The following DNAH14 variants were observed in gnomAD, a reference collection of about 807,000 sequenced individuals.
The protein encoded by DNAH14 is dynein axonemal heavy chain 14.
Under a neutral mutation model 520.9 loss-of-function variants are expected in DNAH14, and 478 were observed. That is an observed-to-expected ratio of 0.92 (90% CI 0.85 to 0.99). DNAH14 has a LOEUF of 0.99. DNAH14 is among the 50% of genes least tolerant of loss of function. DNAH14 has a pLI of 0.00. For synonymous variants in DNAH14, 1,581 were observed against 1,757.2 expected (o/e 0.90, Z 2.51); for missense variants, 4,831 against 5,234.5 (o/e 0.92, Z 2.38).
rs1223937867 is a variant in DNAH14, at chr1:225,152,029, T to G, written c.4965T>G (p.Ile1655Met). The part of the protein sequence containing the change: ...SARFVLEGKE[I>M]RINMSCAVFI... Reference sequence around the variant, plus strand: ...GGTTTGTACTGGAAGGAAAAGAAATTCGTATCAATATGTCTTGTGCGGTAT... The same window carrying G: ...GGTTTGTACTGGAAGGAAAAGAAATGCGTATCAATATGTCTTGTGCGGTAT... Residue 1655 changes from isoleucine to methionine, a missense_variant, in exon 32 of 86, where the codon ATT becomes ATG. Coordinates refer to ENST00000682510, the MANE Select transcript of DNAH14 (RefSeq NM_001367479.1). 25 of 1,551,532 alleles carry G rather than the reference T, an allele frequency of 1.6e-5. No homozygotes were observed. Among genetic ancestry groups the G allele is most frequent in the Non-Finnish European group, 1.8e-5 (21 of 1,146,942 alleles).
chr1:225,107,604 G>A (rs776279497), intron 23 of DNAH14, among the ~76,000 whole-genome samples: 8 of 152,164 alleles, frequency 5.3e-5, no homozygotes, highest in African/African-American at 1.7e-4. Flanking sequence ...TCCCCTGTAC[G>A]GAGACAGAGG....
chr1:225,338,007 C>A, intron 67 of DNAH14, 54 bp from the exon 68 acceptor site: 1 of 1,413,788 alleles, frequency 7.1e-7, no homozygotes, highest in Non-Finnish European at 9.3e-7. Context: ...TTTTTTTTTT[C>A]AACCAATTTG....
chr1:225,039,769 T>C (rs944973219), intron 12 of DNAH14, among the ~76,000 whole-genome samples: 2 of 144,972 alleles, frequency 1.4e-5, no homozygotes, highest in Non-Finnish European at 3.0e-5. Context: ...TCCCAGCTAC[T>C]TGGGAGGCTG....
intron 77 of DNAH14, among the ~76,000 whole-genome samples, chr1:225,370,561 A>G (rs773873821): frequency 2.6e-5 from 4 of 151,992 alleles, no homozygotes; most frequent in Non-Finnish European, 4.4e-5. Flanking sequence ...CTCAAAAACA[A>G]TGGAAATGAG....
chr1:225,255,930 A>G (rs1478779325), intron 44 of DNAH14, among the ~76,000 whole-genome samples: 3 of 152,234 alleles, frequency 2.0e-5, no homozygotes, highest in African/African-American at 7.2e-5. Flanking sequence ...CAACGGAAGT[A>G]AAAGTTCAAT....
intron 17 of DNAH14, among the ~76,000 whole-genome samples, chr1:225,057,956 T>C (rs1457511974): frequency 1.3e-5 from 2 of 152,220 alleles, no homozygotes; most frequent in Admixed American, 6.5e-5. Context: ...GATTTTTGCA[T>C]TGATGTTCAT....
chr1:225,366,424 T>A (rs1292661837), intron 76 of DNAH14, among the ~76,000 whole-genome samples: 1 of 152,164 alleles, frequency 6.6e-6, no homozygotes, highest in Non-Finnish European at 1.5e-5. Flanking sequence ...CTCTCTGCCC[T>A]CCTTCCACTC....
chr1:225,222,770 C>T (rs538596037), intron 41 of DNAH14, among the ~76,000 whole-genome samples: 45 of 152,244 alleles, frequency 3.0e-4, no homozygotes, highest in African/African-American at 1.0e-3. Context: ...TTAAAGCTGG[C>T]GGATCCTCGG....
intron 64 of DNAH14, among the ~76,000 whole-genome samples, chr1:225,328,777 G>A (rs6426062): frequency 6.6e-6 from 1 of 151,858 alleles, no homozygotes; most frequent in African/African-American, 2.4e-5. Flanking sequence ...GCGTTAATAT[G>A]TAAGTAACTC....
Position 225,207,209 on chromosome 1 carries a change from G to T in DNAH14, c.6428G>T (p.Gly2143Val). The T allele has an allele frequency of 6.6e-7, 1 of 1,517,258 alleles. No homozygotes were observed. Among genetic ancestry groups the T allele is most frequent in the South Asian group, 1.3e-5 (1 of 79,096 alleles). 94.0% of individuals were successfully genotyped at this position (1,517,258 alleles called of 1,614,324 possible). ...TTTGACTTCATGGGTAAAAATGGAGGATTTGAACAAAGTGAGTTTTTTTCT... is the reference window on the plus strand; with the variant it reads ...TTTGACTTCATGGGTAAAAATGGAGTATTTGAACAAAGTGAGTTTTTTTCT... ...AFFDFMGKNGGFEQSDDLNDT... is the reference protein window; with the variant it reads ...AFFDFMGKNGVFEQSDDLNDT... The change falls in exon 41 of 86, where the codon GGA becomes GTA. Residue 2143 changes from glycine (G) to valine (V), a missense_variant. Gly to Val is a moderately radical substitution (Grantham distance 109, BLOSUM62 -3). Transcript: ENST00000682510.
intron 81 of DNAH14, among the ~76,000 whole-genome samples, chr1:225,387,342 A>G (rs1482884743): frequency 6.6e-6 from 1 of 152,160 alleles, no homozygotes; most frequent in Non-Finnish European, 1.5e-5. Context: ...ATATGTACCA[A>G]ACCTGCACGT....
chr1:225,208,210 C>G (rs2087849407), intron 41 of DNAH14, among the ~76,000 whole-genome samples: 1 of 151,970 alleles, frequency 6.6e-6, no homozygotes, highest in African/African-American at 2.4e-5. Context: ...AGTGACCACT[C>G]CCTCCCCAGA....
At chr1:225,166,757 A>C (rs1313625513) in intron 35 of DNAH14, among the ~76,000 whole-genome samples, 2 of 152,252 alleles carry the variant, frequency 1.3e-5, no homozygotes, top group African/African-American at 4.8e-5. Context: ...CTAAAAGATT[A>C]ACTGAGAATT....
At chr1:225,089,916 C>G (rs543679384) in intron 21 of DNAH14, among the ~76,000 whole-genome samples, 1 of 152,172 alleles carries the variant, frequency 6.6e-6, no homozygotes, top group South Asian at 2.1e-4. Flanking sequence ...GGATGTTCTC[C>G]CTTACCAATT....
At chr1:225,212,473 A>G (rs1228164059) in intron 41 of DNAH14, among the ~76,000 whole-genome samples, 1 of 152,160 alleles carries the variant, frequency 6.6e-6, no homozygotes. Context: ...TCCCTGAGGA[A>G]TCGCCACACT....
chr1:224,952,720 C>T lies in DNAH14; in HGVS notation c.18C>T (p.Pro6=). METFI[P]IDLTTENQEM... ...AAAAACATATGGAGACGTTTATACC[C>T]ATTGATTTGACAACTGAAAATCAAG... is the stretch of plus-strand genomic sequence containing the variant. Residue 6 remains proline (P), a synonymous_variant, in exon 2 of 86, where the codon CCC becomes CCT. Coordinates refer to ENST00000682510, the MANE Select transcript of DNAH14 (RefSeq NM_001367479.1). 1 of 1,602,726 alleles carries T rather than the reference C, an allele frequency of 6.2e-7. No homozygotes were observed. Among genetic ancestry groups the T allele is most frequent in the Non-Finnish European group, 8.5e-7 (1 of 1,175,100 alleles).
intron 8 of DNAH14, among the ~76,000 whole-genome samples, chr1:225,001,475 G>A (rs956808810): frequency 6.6e-5 from 10 of 152,070 alleles, no homozygotes; most frequent in African/African-American, 2.2e-4. Context: ...ATAGAAATTT[G>A]TGGTGAATTC....
intron 71 of DNAH14, among the ~76,000 whole-genome samples, chr1:225,350,786 A>G (rs1262419507): frequency 6.6e-6 from 1 of 152,086 alleles, no homozygotes; most frequent in Non-Finnish European, 1.5e-5. Flanking sequence ...TTAGGACCAG[A>G]TGGCTTCATT....
At chr1:225,385,385 C>T (rs1283035271) in intron 81 of DNAH14, among the ~76,000 whole-genome samples, 1 of 152,146 alleles carries the variant, frequency 6.6e-6, no homozygotes, top group Non-Finnish European at 1.5e-5. Flanking sequence ...CCAGCGCAGT[C>T]AGGCAAGAGA....
Sources: allele counts gnomAD v4.1 joint callset (sites outside exome capture counted in the v4.1 genomes callset), GRCh38; gene constraint gnomAD v4.1.1; transcripts MANE v1.5; gene names NCBI Gene and HGNC (gene_info 2026-07-23, HGNC 2026-07-21).